OPN5: variants seen among roughly 807,000 people sequenced by gnomAD.
OPN5 encodes opsin-5.
In OPN5, 18 loss-of-function variants were observed where a neutral mutation model predicts 41.7. The ratio of observed to expected loss-of-function variants is 0.43; its 90% CI spans 0.30 to 0.64. The LOEUF (loss-of-function observed/expected upper bound fraction) is 0.64, where lower values mean the gene tolerates loss of function less well. Among genes scored for constraint, OPN5 ranks in the 30% least tolerant of loss-of-function variants. The pLI, the probability that OPN5 is intolerant of heterozygous loss-of-function variation, is 0.13. For missense variants in OPN5, 318 were observed against 434.5 expected (o/e 0.73, Z 2.38); for synonymous variants, 178 against 164.3 (o/e 1.08, Z -0.64).
chr6:47,782,086 C>T lies in OPN5; in HGVS notation c.20C>T (p.Ala7Val), dbSNP rs746842846. Reference sequence around the variant, plus strand: ...AACAGAATGGCGTTAAATCACACTGCCCTGCCTCAGGACGAGCGCCTGCCC... The same window carrying T: ...AACAGAATGGCGTTAAATCACACTGTCCTGCCTCAGGACGAGCGCCTGCCC... The change falls in exon 1 of 7, where the codon GCC becomes GTC. Residue 7 changes from alanine to valine, a missense_variant. Physicochemically the swap from Ala to Val is moderately conservative, Grantham distance 64 (BLOSUM62 0). This residue lies in a region of OPN5 where 46 missense variants were observed against 44.0 expected (regional missense o/e 1.05). Coordinates refer to ENST00000371211, the Ensembl canonical transcript of OPN5. 8 of 1,613,502 alleles carry T rather than the reference C, an allele frequency of 5.0e-6. No homozygotes were observed. The South Asian group carries it at 6.6e-5, about 13-fold the overall frequency.
chr6:47,804,470 T>A (rs1205143121), intron 4 of OPN5, among the ~76,000 whole-genome samples: 1 of 152,172 alleles, frequency 6.6e-6, no homozygotes, highest in Non-Finnish European at 1.5e-5. Context: ...ATTAAATATA[T>A]TCCAAGCTGA....
chr6:47,822,231 G>A (rs1169568034), intron 6 of OPN5, among the ~76,000 whole-genome samples: 2 of 152,084 alleles, frequency 1.3e-5, no homozygotes, highest in Non-Finnish European at 2.9e-5. Context: ...ATCCATATGA[G>A]GGCTGTTAAG....
At chr6:47,782,217 T>C (rs1157092779) in intron 1 of OPN5, 21 bp downstream of exon 1, 1 of 1,610,746 alleles carries the variant, frequency 6.2e-7, no homozygotes, top group South Asian at 1.1e-5. Flanking sequence ...TTAATTCTTC[T>C]GTGCAAAGGC....
chr6:47,808,686 C>T (rs1382705879), intron 5 of OPN5, among the ~76,000 whole-genome samples: 1 of 152,166 alleles, frequency 6.6e-6, no homozygotes, highest in Non-Finnish European at 1.5e-5. Flanking sequence ...ATGGCTCGTA[C>T]ATTGCATATC....
At chr6:47,786,675 A>G (rs1358001151) in intron 2 of OPN5, 41 bp downstream of exon 2, 1 of 1,586,618 alleles carries the variant, frequency 6.3e-7, no homozygotes, top group Admixed American at 1.7e-5. Context: ...GGTTTAAACT[A>G]CTCCCCATTC....
intron 2 of OPN5, among the ~76,000 whole-genome samples, chr6:47,788,794 T>C (rs892808065): frequency 1.2e-5 from 1 of 86,482 alleles, no homozygotes; most frequent in Admixed American, 1.5e-4. Context: ...TCGTGTTATA[T>C]TAGGATAACC....
At position 47,810,660 on chromosome 6, in the gene OPN5, A is replaced by C. The variant is rs146413065; in HGVS notation, c.999-1014A>C. Among the ~76,000 whole-genome samples, 172 of 152,326 alleles carry C rather than the reference A, an allele frequency of 1.1e-3. 1 individual carries two copies. Among genetic ancestry groups the C allele is most frequent in the South Asian group, 3.9e-3 (19 of 4,830 alleles). ...TATTGAATATGGGATTGTGGAAATA[A>C]ATTTTGGGTAATTTTAACAGTCTAT... On this transcript the variant is annotated intron_variant, in intron 5 of 6. Transcript: ENST00000371211.
At chr6:47,796,357 C>G (rs966264032) in intron 4 of OPN5, among the ~76,000 whole-genome samples, 1 of 152,124 alleles carries the variant, frequency 6.6e-6, no homozygotes, top group African/African-American at 2.4e-5. Flanking sequence ...ATGGTTTCTC[C>G]TTTTTCCTTA....
At position 47,787,271 on chromosome 6, in the gene OPN5, G is replaced by A. The variant is rs1053679544; in HGVS notation, c.250+637G>A. On this transcript the variant is annotated intron_variant, in intron 2 of 6. Transcript: ENST00000371211. ...ACCTGGGCATCAGGATATTTAAAAT[G>A]AGAATCTACAGGTATGTTAATGTGT... The A allele has an allele frequency of 7.3e-6, 4 of 548,136 alleles. No individual in the cohort carries two copies. In the African/African-American group the frequency reaches 8.2e-5, roughly 11 times the overall value. 34.0% of individuals were successfully genotyped at this position (548,136 alleles called of 1,614,324 possible).
intron 6 of OPN5, among the ~76,000 whole-genome samples, chr6:47,821,320 G>A (rs111273309): frequency 5.3e-4 from 81 of 152,370 alleles, no homozygotes; most frequent in Non-Finnish European, 9.1e-4. Context: ...ACTGCACAGG[G>A]AGGGCTCTCC....
chr6:47,806,806 C>T (rs1443391685), intron 4 of OPN5, among the ~76,000 whole-genome samples: 1 of 152,200 alleles, frequency 6.6e-6, no homozygotes, highest in Non-Finnish European at 1.5e-5. Context: ...TATGCCTTTA[C>T]TTTGTTTCAC....
At chr6:47,811,447 T>C (rs557049965) in intron 5 of OPN5, among the ~76,000 whole-genome samples, 7 of 152,256 alleles carry the variant, frequency 4.6e-5, no homozygotes, top group African/African-American at 1.4e-4. Flanking sequence ...GCATACGAAA[T>C]GTGCTGTAAA....
At chr6:47,795,080 A>AGG in intron 3 of OPN5, 149 bp from the exon 4 acceptor site, 1 of 624,008 alleles carries the variant, frequency 1.6e-6, no homozygotes, top group Non-Finnish European at 2.7e-6. Flanking sequence ...TTTTCCGTTT[A>AGG]CTCCACTCTC....
rs772822896 is a variant in OPN5 at position 47,811,749 on chromosome 6, G to C, written c.1056+18G>C. 6 of 1,556,890 alleles carry C rather than the reference G, an allele frequency of 3.9e-6. No individual in the cohort carries two copies. The South Asian group carries it at 6.7e-5, about 17-fold the overall frequency. On this transcript the variant is annotated intron_variant, in intron 6 of 6. Coordinates refer to ENST00000371211, the Ensembl canonical transcript of OPN5. ...ATGAAGAGGTATGAAGATGGATACA[G>C]CATCACTATGGACACTCGTATTCAC...
intron 4 of OPN5, among the ~76,000 whole-genome samples, chr6:47,802,834 A>G (rs771101773): frequency 6.6e-6 from 1 of 151,748 alleles, no homozygotes; most frequent in Non-Finnish European, 1.5e-5. Context: ...GCATAGAGTG[A>G]CATGACCTAA....
intron 1 of OPN5, among the ~76,000 whole-genome samples, chr6:47,782,919 C>A (rs762526863): frequency 2.3e-4 from 35 of 151,740 alleles, no homozygotes; most frequent in Non-Finnish European, 4.1e-4. Flanking sequence ...AGGCTCAGTA[C>A]AACAAAAAGT....
At chr6:47,794,452 G>T (rs773706128) in intron 3 of OPN5, among the ~76,000 whole-genome samples, 70 of 152,156 alleles carry the variant, frequency 4.6e-4, no homozygotes, top group Admixed American at 1.1e-3. Flanking sequence ...TTCTGAAAAT[G>T]ATCACTAGTG....
At chr6:47,806,850 C>T (rs113807953) in intron 4 of OPN5, among the ~76,000 whole-genome samples, 4 of 152,102 alleles carry the variant, frequency 2.6e-5, no homozygotes, top group Non-Finnish European at 4.4e-5. Flanking sequence ...CCAAGGTGCA[C>T]GTCCTCTTTG....
At chr6:47,808,643 T>G (rs564522934) in intron 5 of OPN5, among the ~76,000 whole-genome samples, 2 of 152,328 alleles carry the variant, frequency 1.3e-5, no homozygotes, top group South Asian at 4.1e-4. Flanking sequence ...GATACAGAGA[T>G]GTGTCCATTT....
Sources: gnomAD v4.1 joint callset for allele counts (sites outside exome capture counted in the v4.1 genomes callset) on GRCh38, gnomAD v4.1.1 for gene constraint, gnomAD v4.1.1 regional missense constraint, MANE v1.5 for transcripts, NCBI Gene and HGNC (gene_info 2026-07-23, HGNC 2026-07-21) for gene names.